The following CNTNAP2 variants were observed in gnomAD, a reference collection of about 807,000 sequenced individuals.
The protein encoded by CNTNAP2 is contactin associated protein 2.
CNTNAP2 carries 98 observed loss-of-function variants against 155.2 expected under a neutral mutation model. The ratio of observed to expected loss-of-function variants is 0.63; its 90% CI spans 0.54 to 0.75. The LOEUF is 0.75. Ranked by LOEUF, CNTNAP2 falls within the 30% of genes least tolerant of loss-of-function variation. The pLI is 0.00. For synonymous variants in CNTNAP2, 651 were observed against 631.2 expected (o/e 1.03, Z -0.47); for missense variants, 1,727 against 1,688.1 (o/e 1.02, Z -0.40).
intron 9 of CNTNAP2, among the ~76,000 whole-genome samples, chr7:147,335,511 T>A (rs760859844): frequency 9.2e-5 from 14 of 152,134 alleles, no homozygotes; most frequent in Admixed American, 3.3e-4. Flanking sequence ...TCCACTATCA[T>A]AGAGAAAACA....
chr7:146,903,939 T>C (rs1177823331), intron 3 of CNTNAP2, among the ~76,000 whole-genome samples: 1 of 152,248 alleles, frequency 6.6e-6, no homozygotes, highest in African/African-American at 2.4e-5. Flanking sequence ...TTCTCTACTA[T>C]ATATGTAAAT....
intron 8 of CNTNAP2, among the ~76,000 whole-genome samples, chr7:147,238,428 G>A (rs1320756385): frequency 2.7e-5 from 4 of 146,422 alleles, no homozygotes; most frequent in African/African-American, 7.7e-5. Context: ...CACACACACA[G>A]ATTTTATCTG....
At chr7:148,059,924 GTAAGGTAAGGTTCTACA>G (rs374782183) in intron 15 of CNTNAP2, among the ~76,000 whole-genome samples, 6 of 152,034 alleles carry the variant, frequency 3.9e-5, no homozygotes, top group African/African-American at 1.4e-4. Context: ...GACAGTTACA[GTAAGGTAAGGTTCTACA>G]TAAAATAACA....
At chr7:146,794,431 A>T (rs906360947) in intron 2 of CNTNAP2, among the ~76,000 whole-genome samples, 15 of 152,214 alleles carry the variant, frequency 9.9e-5, no homozygotes, top group Non-Finnish European at 2.1e-4. Context: ...TAACAAGGAT[A>T]ATATACCTCA....
chr7:147,377,916 G>C (rs1270260629), intron 9 of CNTNAP2: 1 of 424,874 alleles, frequency 2.4e-6, no homozygotes, highest in African/African-American at 2.1e-5. Flanking sequence ...GTTTAATTGG[G>C]ATGTATTGTC....
chr7:148,197,111 G>GA (rs1019283377), intron 18 of CNTNAP2, among the ~76,000 whole-genome samples: 1 of 151,938 alleles, frequency 6.6e-6, no homozygotes, highest in Non-Finnish European at 1.5e-5. Context: ...CACACAAAGG[G>GA]AAAAAAATCA....
At chr7:147,163,119 G>C (rs1802059153) in intron 8 of CNTNAP2, among the ~76,000 whole-genome samples, 1 of 152,166 alleles carries the variant, frequency 6.6e-6, no homozygotes, top group East Asian at 1.9e-4. Context: ...CACATCCCAG[G>C]CTGTTATATC....
At chr7:147,706,995 A>C (rs1353918233) in intron 13 of CNTNAP2, among the ~76,000 whole-genome samples, 1 of 151,886 alleles carries the variant, frequency 6.6e-6, no homozygotes, top group Non-Finnish European at 1.5e-5. Flanking sequence ...CTTTTCTGTG[A>C]TATCTATCTC....
intron 10 of CNTNAP2, among the ~76,000 whole-genome samples, chr7:147,435,984 C>A (rs1315020494): frequency 2.0e-5 from 3 of 151,768 alleles, no homozygotes; most frequent in East Asian, 3.9e-4. Context: ...GATAGTTAAA[C>A]CTTATAAGGA....
chr7:146,772,822 T>C (rs996515221), intron 1 of CNTNAP2, among the ~76,000 whole-genome samples: 26 of 152,104 alleles, frequency 1.7e-4, no homozygotes, highest in African/African-American at 5.8e-4. Flanking sequence ...CTTTGAACAG[T>C]AGGCCAAGTT....
chr7:146,826,427 C>A (rs931596506), intron 2 of CNTNAP2, among the ~76,000 whole-genome samples: 4 of 152,052 alleles, frequency 2.6e-5, no homozygotes, highest in Admixed American at 2.0e-4. Flanking sequence ...ATTGTGGATC[C>A]TCTCAGCCAG....
chr7:148,174,426 C>CGCCG (rs1554400557), intron 18 of CNTNAP2, among the ~76,000 whole-genome samples: 2 of 152,020 alleles, frequency 1.3e-5, no homozygotes, highest in African/African-American at 4.8e-5. Flanking sequence ...GACCGCCCCC[C>CGCCG]ACCTCAGGCT....
At chr7:146,339,139 A>C (rs976888165) in intron 1 of CNTNAP2, among the ~76,000 whole-genome samples, 1 of 152,050 alleles carries the variant, frequency 6.6e-6, no homozygotes. Context: ...CTCAGTCATT[A>C]TCTCTCTCTT....
At chr7:146,522,469 A>G (rs1458101926) in intron 1 of CNTNAP2, among the ~76,000 whole-genome samples, 1 of 152,060 alleles carries the variant, frequency 6.6e-6, no homozygotes, top group Non-Finnish European at 1.5e-5. Flanking sequence ...ACTACATCAT[A>G]CAACTCCAAA....
chr7:146,823,840 G>C (rs1037697924), intron 2 of CNTNAP2, among the ~76,000 whole-genome samples: 5 of 151,742 alleles, frequency 3.3e-5, no homozygotes, highest in African/African-American at 1.2e-4. Flanking sequence ...TTTATAACTT[G>C]GACCCCGTAT....
chr7:147,972,986 T>C (rs1382110154), intron 14 of CNTNAP2, among the ~76,000 whole-genome samples: 1 of 151,336 alleles, frequency 6.6e-6, no homozygotes, highest in Non-Finnish European at 1.5e-5. Context: ...GCAAGACCTG[T>C]CTCTACAAAA....
intron 1 of CNTNAP2, among the ~76,000 whole-genome samples, chr7:146,668,059 A>T (rs1800229622): frequency 6.6e-6 from 1 of 152,050 alleles, no homozygotes; most frequent in South Asian, 2.1e-4. Context: ...CAGTTCTGAG[A>T]GGAAAAGATT....
At chr7:147,881,631 A>T (rs918502697) in intron 13 of CNTNAP2, among the ~76,000 whole-genome samples, 17 of 151,146 alleles carry the variant, frequency 1.1e-4, no homozygotes, top group African/African-American at 3.9e-4. Context: ...TCTTTGCTAG[A>T]AGAATAGAAT....
At chr7:146,521,086 A>G (rs1797610613) in intron 1 of CNTNAP2, among the ~76,000 whole-genome samples, 1 of 151,964 alleles carries the variant, frequency 6.6e-6, no homozygotes, top group Non-Finnish European at 1.5e-5. Flanking sequence ...AAGGGAAAGA[A>G]ATGCAAACCA....
Sources: gnomAD v4.1 joint callset for allele counts (sites outside exome capture counted in the v4.1 genomes callset) on GRCh38, gnomAD v4.1.1 for gene constraint, MANE v1.5 for transcripts, NCBI Gene and HGNC (gene_info 2026-07-23, HGNC 2026-07-21) for gene names.